Variants in SLCO5A1 observed in about 807,000 individuals in gnomAD.
SLCO5A1 encodes organic anion transporter polypeptide-related protein 4.
A neutral mutation model predicts 65.1 loss-of-function variants in SLCO5A1; 39 were observed. That is an observed-to-expected ratio of 0.60 (90% CI 0.46 to 0.78). SLCO5A1 has a LOEUF of 0.78. Among genes scored for constraint, SLCO5A1 ranks in the 30% least tolerant of loss-of-function variants. The probability of loss-of-function intolerance (pLI) is 0.00; values close to 1 mark genes in which losing one functional copy is unlikely to be tolerated. For missense variants in SLCO5A1, 1,029 were observed against 1,069.4 expected, an observed-to-expected ratio of 0.96 and a Z score of 0.53; for synonymous variants, 438 against 415.7, an observed-to-expected ratio of 1.05 and a Z score of -0.65.
intron 2 of SLCO5A1, among the ~76,000 whole-genome samples, chr8:69,779,063 C>A (rs1317446297): frequency 6.6e-6 from 1 of 152,066 alleles, no homozygotes; most frequent in Non-Finnish European, 1.5e-5. Context: ...CAGAGTTGAG[C>A]GACTGCAACA....
chr8:69,711,201 G>T (rs567763552), intron 5 of SLCO5A1, among the ~76,000 whole-genome samples: 1 of 151,802 alleles, frequency 6.6e-6, no homozygotes, highest in East Asian at 1.9e-4. Flanking sequence ...AGAAGTTACG[G>T]TCCTGCCGCT....
chr8:69,679,196 T>C (rs4541935), intron 8 of SLCO5A1, among the ~76,000 whole-genome samples, 182 bp downstream of exon 8: 5,968 of 152,292 alleles, frequency 0.039, 407 homozygotes, highest in African/African-American at 0.13. Context: ...TTACAACCTT[T>C]CTTTCCCTTC....
intron 5 of SLCO5A1, among the ~76,000 whole-genome samples, chr8:69,717,651 G>A (rs1309009312): frequency 6.6e-6 from 1 of 152,194 alleles, no homozygotes; most frequent in Non-Finnish European, 1.5e-5. Context: ...GAATTTTGAT[G>A]AGGATTGTAT....
At chr8:69,738,331 T>C (rs912886412) in intron 4 of SLCO5A1, 127 bp from the exon 5 acceptor site, 6 of 844,768 alleles carry the variant, frequency 7.1e-6, no homozygotes, top group African/African-American at 7.1e-5. Flanking sequence ...GGAATAAAAA[T>C]AGAAAGATCT....
rs1813323186 is a variant in SLCO5A1, at chr8:69,671,313, C to T, written c.*1556G>A. Reference sequence around the variant, plus strand: ...GCAGAAGCCTGAATCATGGAACAGTCTGTCAATCACATCTCTTCTGGGGAT... The same window carrying T: ...GCAGAAGCCTGAATCATGGAACAGTTTGTCAATCACATCTCTTCTGGGGAT... On this transcript the variant is annotated 3_prime_UTR_variant, in exon 10 of 10. Coordinates refer to ENST00000260126, the MANE Select transcript of SLCO5A1 (RefSeq NM_030958.3). 6.6e-6 allele frequency: 1 copy of T among 152,252 alleles called. No individual in the cohort carries two copies. The highest frequency in any genetic ancestry group is 1.5e-5 in the Non-Finnish European group (1 of 68,056). 9.4% of individuals were successfully genotyped at this position (152,252 alleles called of 1,614,324 possible). A position where few individuals can be genotyped will look rare whatever the true frequency, so the allele number is the denominator to read the frequency against.
chr8:69,731,157 G>A (rs1322558666), intron 5 of SLCO5A1, among the ~76,000 whole-genome samples: 1 of 152,050 alleles, frequency 6.6e-6, no homozygotes, highest in African/African-American at 2.4e-5. Context: ...GTGTCACCAC[G>A]CCTGGCTAAT....
intron 4 of SLCO5A1, among the ~76,000 whole-genome samples, chr8:69,751,254 T>C (rs1817285048): frequency 6.6e-6 from 1 of 152,114 alleles, no homozygotes; most frequent in African/African-American, 2.4e-5. Flanking sequence ...CTCAGGAAAA[T>C]GGATTCACTT....
At chr8:69,793,334 G>C (rs1188300172) in intron 2 of SLCO5A1, among the ~76,000 whole-genome samples, 1 of 151,688 alleles carries the variant, frequency 6.6e-6, no homozygotes, top group Non-Finnish European at 1.5e-5. Context: ...AGTAACTTAA[G>C]TTCAGTGCAC....
At chr8:69,805,499 T>C (rs116468779) in intron 2 of SLCO5A1, among the ~76,000 whole-genome samples, 2,644 of 152,272 alleles carry the variant, frequency 0.017, 59 homozygotes, top group African/African-American at 0.061. Flanking sequence ...ATATTAAATA[T>C]GTACACAAAG....
intron 3 of SLCO5A1, among the ~76,000 whole-genome samples, chr8:69,756,107 T>C (rs944939913): frequency 6.6e-6 from 1 of 152,188 alleles, no homozygotes; most frequent in Non-Finnish European, 1.5e-5. Context: ...AATATTCAAA[T>C]ATTTTTCTGC....
intron 2 of SLCO5A1, among the ~76,000 whole-genome samples, chr8:69,800,346 C>CAGGAGG (rs1047992905): frequency 8.0e-5 from 12 of 149,792 alleles, no homozygotes; most frequent in Admixed American, 1.3e-4. Flanking sequence ...TTTGACCTCC[C>CAGGAGG]AGGAGGAGGA....
In SLCO5A1 at chr8:69,668,805, T is replaced by A. The variant is rs1015749836; in HGVS notation, c.*4064A>T. On this transcript the variant is annotated 3_prime_UTR_variant, in exon 10 of 10. Transcript: ENST00000260126. ...GGCCTTACTCCATGTAACTCCCCCT[T>A]CTCTGAAGGCTGACATTTCCAAGTG... is the stretch of plus-strand genomic sequence containing the variant. The A allele has an allele frequency of 2.5e-4, 38 of 152,036 alleles. No individual in the cohort carries two copies. Among genetic ancestry groups the A allele is most frequent in the African/African-American group, 8.7e-4 (36 of 41,402 alleles). 9.4% of individuals were successfully genotyped at this position (152,036 alleles called of 1,614,324 possible).
At chr8:69,790,380 T>C (rs1434669902) in intron 2 of SLCO5A1, among the ~76,000 whole-genome samples, 1 of 151,936 alleles carries the variant, frequency 6.6e-6, no homozygotes. Flanking sequence ...AATTAAAAAA[T>C]GTAATAATAA....
At chr8:69,818,081 C>G (rs574072680) in intron 2 of SLCO5A1, among the ~76,000 whole-genome samples, 26 of 152,330 alleles carry the variant, frequency 1.7e-4, no homozygotes, top group Non-Finnish European at 1.3e-4. Flanking sequence ...CCATTCATCT[C>G]ACATCATTTC....
chr8:69,795,821 G>T (rs1382482488), intron 2 of SLCO5A1, among the ~76,000 whole-genome samples: 1 of 152,190 alleles, frequency 6.6e-6, no homozygotes, highest in East Asian at 1.9e-4. Context: ...GCTTCTACCT[G>T]GACATTCAGG....
intron 5 of SLCO5A1, among the ~76,000 whole-genome samples, chr8:69,718,781 T>C (rs1815683644): frequency 6.6e-6 from 1 of 152,196 alleles, no homozygotes. Flanking sequence ...CTAAAATTCC[T>C]GCCCAGATTG....
At position 69,826,369 on chromosome 8, in the gene SLCO5A1, G is replaced by A. The variant is rs371294324; in HGVS notation, c.907+5398C>T. Among the ~76,000 whole-genome samples, 129 of 151,676 alleles carry A rather than the reference G, an allele frequency of 8.5e-4. 1 individual carries two copies. Among genetic ancestry groups the A allele is most frequent in the South Asian group, 6.9e-3 (33 of 4,804 alleles). On this transcript the variant is annotated intron_variant, in intron 2 of 9. Transcript: ENST00000260126. ...ACCTACAAAATGGGAGAAAATTTTCGCAACCTACTCATCTGACAAAGGGCT... is the reference window on the plus strand; with the variant it reads ...ACCTACAAAATGGGAGAAAATTTTCACAACCTACTCATCTGACAAAGGGCT...
At chr8:69,744,052 C>T (rs1171970912) in intron 4 of SLCO5A1, among the ~76,000 whole-genome samples, 2 of 152,130 alleles carry the variant, frequency 1.3e-5, no homozygotes, top group Admixed American at 1.3e-4. Context: ...TTCTCCTCTC[C>T]CCTGGAGCCT....
intron 2 of SLCO5A1, among the ~76,000 whole-genome samples, chr8:69,772,521 GA>G (rs1259208829): frequency 7.2e-6 from 1 of 138,178 alleles, no homozygotes; most frequent in East Asian, 2.2e-4. Flanking sequence ...GACAGAGCGA[GA>G]AAAAAGAAAA....
Sources: gnomAD v4.1 joint callset for allele counts (sites outside exome capture counted in the v4.1 genomes callset) on GRCh38, gnomAD v4.1.1 for gene constraint, MANE v1.5 for transcripts, NCBI Gene and HGNC (gene_info 2026-07-23, HGNC 2026-07-21) for gene names.